The following CTNNA3 variants were observed in gnomAD, a reference collection of about 807,000 sequenced individuals.
CTNNA3 encodes the protein catenin alpha 3.
Under a neutral mutation model 95.7 loss-of-function variants are expected in CTNNA3, and 76 were observed. That is an observed-to-expected ratio of 0.79 (90% CI 0.66 to 0.96). CTNNA3 has a LOEUF of 0.96. CTNNA3 is among the 40% of genes least tolerant of loss of function. The probability of loss-of-function intolerance (pLI) is 0.00; values close to 1 mark genes in which losing one functional copy is unlikely to be tolerated. For missense variants in CTNNA3, 1,191 were observed against 1,089.8 expected (o/e 1.09, Z -1.31); for synonymous variants, 431 against 374.4 (o/e 1.15, Z -1.74).
chr10:66,640,454 C>T (rs927900680), intron 9 of CTNNA3, among the ~76,000 whole-genome samples: 5 of 152,090 alleles, frequency 3.3e-5, no homozygotes, highest in Non-Finnish European at 7.4e-5. Flanking sequence ...CTCCAGAGTC[C>T]CTAAGAGTTC....
chr10:67,454,740 G>C (rs753521271), intron 5 of CTNNA3, among the ~76,000 whole-genome samples: 3 of 151,982 alleles, frequency 2.0e-5, no homozygotes, highest in Non-Finnish European at 4.4e-5. Context: ...ATAAGAAAAT[G>C]AGCCAAACAA....
chr10:66,611,435 A>G (rs148288610), intron 10 of CTNNA3, among the ~76,000 whole-genome samples: 36 of 152,262 alleles, frequency 2.4e-4, no homozygotes, highest in African/African-American at 7.9e-4. Context: ...TAAACACACA[A>G]ATAAAGAAAA....
intron 10 of CTNNA3, among the ~76,000 whole-genome samples, chr10:66,545,200 G>A (rs1019284114): frequency 2.0e-5 from 3 of 151,778 alleles, no homozygotes; most frequent in Admixed American, 2.0e-4. Context: ...CCCAAGTTGT[G>A]GAAAAGAATA....
At chr10:66,967,926 T>C (rs1351057874) in intron 7 of CTNNA3, among the ~76,000 whole-genome samples, 2 of 152,128 alleles carry the variant, frequency 1.3e-5, no homozygotes, top group Admixed American at 6.5e-5. Context: ...TGATTCAGTG[T>C]GTTTCAAACA....
chr10:67,525,098 G>A (rs570983043), intron 4 of CTNNA3, among the ~76,000 whole-genome samples: 1 of 151,876 alleles, frequency 6.6e-6, no homozygotes, highest in East Asian at 1.9e-4. Flanking sequence ...AGTTTTGAGT[G>A]GGAATTTAAA....
chr10:67,405,290 C>T (rs1845093462), intron 5 of CTNNA3, among the ~76,000 whole-genome samples: 1 of 152,102 alleles, frequency 6.6e-6, no homozygotes, highest in Non-Finnish European at 1.5e-5. Flanking sequence ...AAGCTGTCTT[C>T]AAGAGACCCA....
intron 5 of CTNNA3, among the ~76,000 whole-genome samples, chr10:67,409,782 A>G (rs867178267): frequency 8.3e-4 from 126 of 152,316 alleles, no homozygotes; most frequent in Middle Eastern, 3.4e-3. Context: ...TTTAAAAAGA[A>G]ATGCAAATCA....
At chr10:67,421,984 G>T (rs551001086) in intron 5 of CTNNA3, among the ~76,000 whole-genome samples, 1 of 151,986 alleles carries the variant, frequency 6.6e-6, no homozygotes, top group Non-Finnish European at 1.5e-5. Flanking sequence ...ACACAATATC[G>T]CTTTGTGCTA....
In CTNNA3 at chr10:66,352,577, T is replaced by C. The variant is rs112110373; in HGVS notation, c.1732+26575A>G. Among the ~76,000 whole-genome samples the C allele has an allele frequency of 2.1e-3, 322 of 152,080 alleles. 2 individuals are homozygous for C. Among genetic ancestry groups the C allele is most frequent in the African/African-American group, 7.1e-3 (293 of 41,532 alleles). On this transcript the variant is annotated intron_variant, in intron 12 of 17. Coordinates refer to ENST00000433211, the MANE Select transcript of CTNNA3 (RefSeq NM_013266.4). Reference sequence around the variant, plus strand: ...TCTAGCCTAACACCATTGTATACTTTGGAGTGAAAAAGGGCTGTATAATAA... The same window carrying C: ...TCTAGCCTAACACCATTGTATACTTCGGAGTGAAAAAGGGCTGTATAATAA...
intron 7 of CTNNA3, among the ~76,000 whole-genome samples, chr10:66,819,556 A>G (rs936529251): frequency 6.6e-6 from 1 of 152,196 alleles, no homozygotes; most frequent in South Asian, 2.1e-4. Context: ...AATTGAAAAA[A>G]ACACACAAAA....
intron 11 of CTNNA3, among the ~76,000 whole-genome samples, chr10:66,428,242 G>C (rs1228883469): frequency 1.3e-5 from 2 of 152,144 alleles, no homozygotes; most frequent in East Asian, 3.9e-4. Flanking sequence ...GGAGCACCCA[G>C]ATTCATAAAG....
chr10:66,714,013 T>C (rs10997345), intron 9 of CTNNA3, among the ~76,000 whole-genome samples: 35,887 of 151,964 alleles, frequency 0.24, 5,598 homozygotes, highest in East Asian at 0.56. Flanking sequence ...TATAATGAAG[T>C]AAAAATACCC....
chr10:65,972,861 T>C (rs2078133128), intron 16 of CTNNA3, among the ~76,000 whole-genome samples: 1 of 144,424 alleles, frequency 6.9e-6, no homozygotes, highest in Middle Eastern at 3.6e-3. Flanking sequence ...AAAATTCATA[T>C]GAAACCAAGA....
At chr10:66,394,265 CAGGAAGGTGGCCATAGA>C (rs140984990) in intron 11 of CTNNA3, among the ~76,000 whole-genome samples, 10,174 of 151,942 alleles carry the variant, frequency 0.067, 557 homozygotes, top group East Asian at 0.23. Context: ...GAGACATCAC[CAGGAAGGTGGCCATAGA>C]AGAATAAATA....
chr10:67,663,906 T>C (rs922511678), intron 1 of CTNNA3, among the ~76,000 whole-genome samples: 1 of 152,182 alleles, frequency 6.6e-6, no homozygotes, highest in Admixed American at 6.5e-5. Context: ...ATCTTCAACA[T>C]AGTAGGTGTC....
intron 11 of CTNNA3, among the ~76,000 whole-genome samples, chr10:66,448,498 T>TA: frequency 6.6e-6 from 1 of 152,254 alleles, no homozygotes; most frequent in South Asian, 2.1e-4. Flanking sequence ...TATGTAGCCA[T>TA]AAAAAATGAT....
intron 12 of CTNNA3, among the ~76,000 whole-genome samples, chr10:66,340,638 A>C (rs2092444162): frequency 6.6e-6 from 1 of 151,790 alleles, no homozygotes; most frequent in South Asian, 2.1e-4. Context: ...ATGGTTATTC[A>C]TATTTCAATA....
intron 11 of CTNNA3, among the ~76,000 whole-genome samples, chr10:66,407,062 T>C (rs1474217910): frequency 6.6e-6 from 1 of 152,136 alleles, no homozygotes; most frequent in Non-Finnish European, 1.5e-5. Flanking sequence ...AATAAATGCC[T>C]ATCCTCCGAC....
At chr10:66,196,784 A>C (rs1039539380) in intron 13 of CTNNA3, among the ~76,000 whole-genome samples, 1 of 152,140 alleles carries the variant, frequency 6.6e-6, no homozygotes, top group African/African-American at 2.4e-5. Context: ...CCATACCAGG[A>C]AGCCCATTAC....
Sources: allele counts gnomAD v4.1 joint callset (sites outside exome capture counted in the v4.1 genomes callset), GRCh38; gene constraint gnomAD v4.1.1; transcripts MANE v1.5; gene names NCBI Gene and HGNC (gene_info 2026-07-23, HGNC 2026-07-21).